PABPC4L: variants seen among roughly 807,000 people sequenced by gnomAD.
PABPC4L encodes polyadenylate-binding protein 4-like.
For missense variants in PABPC4L, 452 were observed against 451.4 expected (o/e 1.00, Z -0.01); for synonymous variants, 169 against 164.1 (o/e 1.03, Z -0.23).
chr4:134,062,821 T>C, the PABPC4L span, among the ~76,000 whole-genome samples: 1 of 152,196 alleles, frequency 6.6e-6, no homozygotes, highest in Non-Finnish European at 1.5e-5. Context: ...AAACAAAAGT[T>C]AGGAATAAAA....
the PABPC4L span, among the ~76,000 whole-genome samples, chr4:134,134,091 A>T: frequency 6.6e-6 from 1 of 152,094 alleles, no homozygotes; most frequent in Admixed American, 6.6e-5. Flanking sequence ...TTGGAAACTT[A>T]AATATAGAAT....
chr4:134,038,597 G>C, the PABPC4L span, among the ~76,000 whole-genome samples: 1 of 152,194 alleles, frequency 6.6e-6, no homozygotes, highest in East Asian at 1.9e-4. Flanking sequence ...AGATTTTCTA[G>C]TTTATTTGTG....
chr4:134,145,364 G>T, the PABPC4L span, among the ~76,000 whole-genome samples: 2 of 151,790 alleles, frequency 1.3e-5, no homozygotes, highest in African/African-American at 4.8e-5. Context: ...AGAAATCTAG[G>T]CTAACATGAA....
the PABPC4L span, among the ~76,000 whole-genome samples, chr4:133,948,951 G>A: frequency 6.6e-6 from 1 of 152,184 alleles, no homozygotes; most frequent in African/African-American, 2.4e-5. Flanking sequence ...CCCTGGGTGA[G>A]CTCAAGTTTG....
the PABPC4L span, among the ~76,000 whole-genome samples, chr4:133,992,113 C>T: frequency 1.3e-5 from 2 of 152,158 alleles, no homozygotes; most frequent in African/African-American, 4.8e-5. Flanking sequence ...GTCCCATCCC[C>T]CCATTGGCCC....
chr4:134,143,038 G>T, the PABPC4L span, among the ~76,000 whole-genome samples: 1 of 151,416 alleles, frequency 6.6e-6, no homozygotes, highest in Non-Finnish European at 1.5e-5. Flanking sequence ...TTACATGGCA[G>T]TAAGGGAATC....
At chr4:134,201,424 G>A (rs972926518) in intron 1 of PABPC4L, among the ~76,000 whole-genome samples, 179 bp from the exon 2 acceptor site, 2 of 152,146 alleles carry the variant, frequency 1.3e-5, no homozygotes, top group African/African-American at 4.8e-5. Context: ...GCCGCTCAGG[G>A]AAGAACTCCA....
chr4:133,993,800 G>A, the PABPC4L span, among the ~76,000 whole-genome samples: 1 of 152,138 alleles, frequency 6.6e-6, no homozygotes. Flanking sequence ...AAAAGCCAGT[G>A]GACCAGGCAG....
chr4:134,024,138 T>C, the PABPC4L span, among the ~76,000 whole-genome samples: 5 of 152,292 alleles, frequency 3.3e-5, no homozygotes, highest in East Asian at 9.7e-4. Flanking sequence ...TGATCTGGTC[T>C]CTGTTTCTCC....
the PABPC4L span, among the ~76,000 whole-genome samples, chr4:134,071,709 A>C: frequency 6.6e-6 from 1 of 152,184 alleles, no homozygotes; most frequent in African/African-American, 2.4e-5. Flanking sequence ...AATATGGGCA[A>C]GGTGATTGGG....
the PABPC4L span, among the ~76,000 whole-genome samples, chr4:133,961,753 T>A: frequency 6.6e-6 from 1 of 152,140 alleles, no homozygotes; most frequent in Non-Finnish European, 1.5e-5. Flanking sequence ...GACCCGCCGT[T>A]GACTTCCACC....
chr4:134,066,141 G>T, the PABPC4L span, among the ~76,000 whole-genome samples: 1 of 152,016 alleles, frequency 6.6e-6, no homozygotes, highest in African/African-American at 2.4e-5. Context: ...ATTCTGTGAA[G>T]AATGCCATGG....
the PABPC4L span, among the ~76,000 whole-genome samples, chr4:134,032,983 G>A: frequency 6.9e-6 from 1 of 145,282 alleles, no homozygotes; most frequent in African/African-American, 2.5e-5. Flanking sequence ...TATACCTTGT[G>A]TTATTGCAGT....
the PABPC4L span, among the ~76,000 whole-genome samples, chr4:134,131,824 G>GGT: frequency 3.0e-4 from 44 of 147,730 alleles, no homozygotes; most frequent in Non-Finnish European, 4.3e-4. Context: ...TTTACTGTAA[G>GGT]GTTATAGTCA....
At chr4:133,967,208 A>G in the PABPC4L span, among the ~76,000 whole-genome samples, 1 of 152,152 alleles carries the variant, frequency 6.6e-6, no homozygotes, top group Non-Finnish European at 1.5e-5. Flanking sequence ...ACGGTGGCCC[A>G]TGCATGTAAT....
chr4:133,984,543 G>A, the PABPC4L span, among the ~76,000 whole-genome samples: 4 of 151,790 alleles, frequency 2.6e-5, no homozygotes, highest in South Asian at 2.1e-4. Flanking sequence ...AGTAACTAGA[G>A]CACAAATATA....
At chr4:133,978,490 C>A in the PABPC4L span, among the ~76,000 whole-genome samples, 25 of 152,048 alleles carry the variant, frequency 1.6e-4, no homozygotes, top group African/African-American at 6.0e-4. Flanking sequence ...ATTGCGTGCA[C>A]CTGTGGTCCC....
chr4:134,100,459 C>A, the PABPC4L span, among the ~76,000 whole-genome samples: 10 of 151,604 alleles, frequency 6.6e-5, no homozygotes, highest in African/African-American at 2.2e-4. Flanking sequence ...TAAAAAAATA[C>A]GTTCATTTCA....
At chr4:134,004,502 G>T in the PABPC4L span, among the ~76,000 whole-genome samples, 1 of 151,810 alleles carries the variant, frequency 6.6e-6, no homozygotes, top group African/African-American at 2.4e-5. Context: ...GATGTGGAGA[G>T]ATCCTATGTA....
Sources: gnomAD v4.1 joint callset for allele counts (sites outside exome capture counted in the v4.1 genomes callset) on GRCh38, gnomAD v4.1.1 for gene constraint, MANE v1.5 for transcripts, NCBI Gene and HGNC (gene_info 2026-07-23, HGNC 2026-07-21) for gene names.